The following PTPRQ variants were observed in gnomAD, a reference collection of about 807,000 sequenced individuals.
PTPRQ encodes phosphatidylinositol phosphatase PTPRQ.
PTPRQ carries 199 observed loss-of-function variants against 246.0 expected under a neutral mutation model. The observed-to-expected ratio is 0.81, with a 90% CI of 0.72 to 0.91. The LOEUF is 0.91. Ranked by LOEUF, PTPRQ falls within the 40% of genes least tolerant of loss-of-function variation. The pLI is 0.00. For synonymous variants in PTPRQ, 869 were observed against 853.2 expected (o/e 1.02, Z -0.32); for missense variants, 2,624 against 2,528.4 (o/e 1.04, Z -0.81).
At chr12:80,626,347 A>T (rs1474780109) in intron 33 of PTPRQ, among the ~76,000 whole-genome samples, 2 of 152,208 alleles carry the variant, frequency 1.3e-5, no homozygotes, top group Non-Finnish European at 2.9e-5. Context: ...TTAAGTTCTG[A>T]AATCTTATTT....
intron 26 of PTPRQ, among the ~76,000 whole-genome samples, chr12:80,595,619 G>A (rs1369145613): frequency 6.6e-6 from 1 of 151,560 alleles, no homozygotes; most frequent in East Asian, 1.9e-4. Flanking sequence ...CAATGTGCAG[G>A]TTAGTTACAT....
At chr12:80,637,271 A>G (rs190941327) in intron 35 of PTPRQ, among the ~76,000 whole-genome samples, 81 of 152,236 alleles carry the variant, frequency 5.3e-4, no homozygotes, top group African/African-American at 1.9e-3. Context: ...TGGGCAAGGA[A>G]TGTACAGATT....
intron 7 of PTPRQ, 41 bp from the exon 8 acceptor site, chr12:80,472,064 T>G (rs1893655460): frequency 6.5e-7 from 1 of 1,549,898 alleles, no homozygotes; most frequent in East Asian, 2.4e-5. Flanking sequence ...GATTGCACGC[T>G]TGATAAAAAA....
intron 5 of PTPRQ, among the ~76,000 whole-genome samples, chr12:80,460,235 A>T (rs541706863): frequency 8.5e-5 from 13 of 152,306 alleles, no homozygotes. Flanking sequence ...CTAACGTGTG[A>T]GCTAGTGGCA....
At position 80,611,919 on chromosome 12, in the gene PTPRQ, T is replaced by G. The variant is rs373395028; in HGVS notation, c.4918+1294T>G. Reference sequence around the variant, plus strand: ...TAGCTTTGCATTTTTCCATTTAAAATGAAATATTTGACACAATAGTACGTT... The same window carrying G: ...TAGCTTTGCATTTTTCCATTTAAAAGGAAATATTTGACACAATAGTACGTT... On this transcript the variant is annotated intron_variant, in intron 28 of 44. Coordinates refer to ENST00000644991, the MANE Select transcript of PTPRQ (RefSeq NM_001145026.2). 5.3e-5 allele frequency among the ~76,000 whole-genome samples: 8 copies of G among 150,624 alleles called. No homozygotes were observed. In the East Asian group the frequency reaches 1.6e-3, roughly 29 times the overall value.
Position 80,632,213 on chromosome 12 carries a change from C to G in PTPRQ, c.5708C>G (p.Thr1903Ser), listed in dbSNP as rs866841382. ...CCAGGGGAAGGACTTTCAGAAAGAACCGTAGAGATCATTCTTTCCGTCACT... is the reference window on the plus strand; with the variant it reads ...CCAGGGGAAGGACTTTCAGAAAGAAGCGTAGAGATCATTCTTTCCGTCACT... Reference protein sequence around the residue: ...KTLGEGLSERTVEIILSVTLC... With the variant: ...KTLGEGLSERSVEIILSVTLC... The change falls in exon 34 of 45, where the codon ACC (threonine) becomes AGC (serine). Residue 1903 changes from threonine to serine, a missense_variant. Transcript: ENST00000644991. 3.2e-6 allele frequency: 5 copies of G among 1,551,272 alleles called. No homozygotes were observed. In the Admixed American group the frequency reaches 9.8e-5, roughly 30 times the overall value.
chr12:80,641,344 G>A (rs947007157), intron 35 of PTPRQ, among the ~76,000 whole-genome samples: 23 of 152,156 alleles, frequency 1.5e-4, no homozygotes, highest in African/African-American at 4.3e-4. Context: ...ATGAATGGAG[G>A]CAGAGAATAA....
intron 8 of PTPRQ, among the ~76,000 whole-genome samples, chr12:80,481,901 C>T (rs1191650537): frequency 6.7e-6 from 1 of 150,258 alleles, no homozygotes; most frequent in Non-Finnish European, 1.5e-5. Context: ...GAAGAACATT[C>T]CATGCTCATG....
rs1207133442 is a variant in PTPRQ, at chr12:80,673,281, A to G, written c.6715A>G (p.Arg2239Gly). 1 of 1,550,438 alleles carries G rather than the reference A, an allele frequency of 6.4e-7. No individual in the cohort carries two copies. ...YGLVAELRSE[R>G]MCMVQNLAQY... ...ACTAGTAGCTGAACTGAGAAGTGAAAGAATGTGCATGGTGCAGAATCTGGT... is the reference window on the plus strand; with the variant it reads ...ACTAGTAGCTGAACTGAGAAGTGAAGGAATGTGCATGGTGCAGAATCTGGT... The change falls in exon 43 of 45, where the codon AGA (arginine) becomes GGA (glycine). Residue 2239 changes from arginine (R) to glycine (G), a missense_variant. Arg to Gly is a moderately radical substitution (Grantham distance 125, BLOSUM62 -2). Coordinates refer to ENST00000644991, the MANE Select transcript of PTPRQ (RefSeq NM_001145026.2).
intron 25 of PTPRQ, among the ~76,000 whole-genome samples, chr12:80,573,720 T>A (rs1054095791): frequency 6.6e-6 from 1 of 152,188 alleles, no homozygotes; most frequent in African/African-American, 2.4e-5. Context: ...TTATTCATGA[T>A]GTGAATTGTG....
intron 35 of PTPRQ, among the ~76,000 whole-genome samples, chr12:80,642,934 A>C (rs916017181): frequency 6.7e-6 from 1 of 149,142 alleles, no homozygotes; most frequent in Non-Finnish European, 1.5e-5. Flanking sequence ...AAAAAAAAAA[A>C]AAAAAAAAAA....
At position 80,512,722 on chromosome 12, in the gene PTPRQ, G is replaced by T. The variant is rs566073713; in HGVS notation, c.2678+2279G>T. The T allele has an allele frequency of 2.0e-5, 3 of 152,100 alleles. No individual in the cohort carries two copies. In the East Asian group the frequency reaches 5.8e-4, roughly 29 times the overall value. 9.4% of individuals were successfully genotyped at this position (152,100 alleles called of 1,614,324 possible). Reference sequence around the variant, plus strand: ...TTCTCATTCCCTCTGGGTTTAATTCGGTCTCTTTTGGGTAAATATTCAATC... The same window carrying T: ...TTCTCATTCCCTCTGGGTTTAATTCTGTCTCTTTTGGGTAAATATTCAATC... On this transcript the variant is annotated intron_variant, in intron 17 of 44. Coordinates refer to ENST00000644991, the MANE Select transcript of PTPRQ (RefSeq NM_001145026.2).
Position 80,588,472 on chromosome 12 carries a change from GTA to G in PTPRQ, c.4609+21_4609+22del. 7 of 1,441,870 alleles carry G rather than the reference GTA, an allele frequency of 4.9e-6. No individual in the cohort carries two copies. The highest frequency in any genetic ancestry group is 5.5e-6 in the Non-Finnish European group (6 of 1,095,424). The allele number at this position is 1,441,870 out of a possible 1,614,324, so 89.3% of individuals were successfully genotyped here. A position where few individuals can be genotyped will look rare whatever the true frequency, so the allele number is the denominator to read the frequency against. On this transcript the variant is annotated intron_variant, in intron 26 of 44. Coordinates refer to ENST00000644991, the MANE Select transcript of PTPRQ (RefSeq NM_001145026.2). Reference sequence around the variant, plus strand: ...CTGGCCGTGAGTATTGTCCTGACATGTACATACTGATTTCTGTTATATTCTGT... The same window carrying G: ...CTGGCCGTGAGTATTGTCCTGACATGCATACTGATTTCTGTTATATTCTGT...
intron 25 of PTPRQ, among the ~76,000 whole-genome samples, chr12:80,566,405 G>C (rs957608701): frequency 6.6e-6 from 1 of 152,056 alleles, no homozygotes; most frequent in Non-Finnish European, 1.5e-5. Context: ...TTGAACCCAG[G>C]AGGCGGAGGT....
chr12:80,504,930 A>G (rs1894908081), intron 14 of PTPRQ, among the ~76,000 whole-genome samples: 1 of 151,854 alleles, frequency 6.6e-6, no homozygotes, highest in African/African-American at 2.4e-5. Flanking sequence ...ATTTCCTGAG[A>G]ATGAATGCAT....
chr12:80,508,320 G>A (rs1895025007), intron 16 of PTPRQ, among the ~76,000 whole-genome samples: 1 of 152,040 alleles, frequency 6.6e-6, no homozygotes, highest in Non-Finnish European at 1.5e-5. Flanking sequence ...ACCTAAATTT[G>A]ACAAATGTGT....
At chr12:80,649,765 C>T in intron 37 of PTPRQ, 96 bp downstream of exon 37, 4 of 1,422,816 alleles carry the variant, frequency 2.8e-6, no homozygotes, top group Admixed American at 2.8e-5. Context: ...CCATGAAGGA[C>T]TCTGGCCTTG....
chr12:80,503,031 C>A (rs1356934416), intron 14 of PTPRQ, among the ~76,000 whole-genome samples: 1 of 151,574 alleles, frequency 6.6e-6, no homozygotes, highest in African/African-American at 2.4e-5. Flanking sequence ...AGGGGTAGCA[C>A]GTGATGGTAT....
At chr12:80,621,582 A>G (rs1565824123) in intron 32 of PTPRQ, among the ~76,000 whole-genome samples, 1 of 152,076 alleles carries the variant, frequency 6.6e-6, no homozygotes, top group South Asian at 2.1e-4. Flanking sequence ...GCAACTGTGC[A>G]CACACAGAAA....
Sources: allele counts gnomAD v4.1 joint callset (sites outside exome capture counted in the v4.1 genomes callset), GRCh38; gene constraint gnomAD v4.1.1; transcripts MANE v1.5; gene names NCBI Gene and HGNC (gene_info 2026-07-23, HGNC 2026-07-21).